The following CHRNA4 variants were observed in gnomAD, a reference collection of about 807,000 sequenced individuals.
CHRNA4 encodes neuronal acetylcholine receptor subunit alpha-4.
CHRNA4 carries 28 observed loss-of-function variants against 48.9 expected under a neutral mutation model. That is an observed-to-expected ratio of 0.57 (90% CI 0.42 to 0.79). The LOEUF (loss-of-function observed/expected upper bound fraction) is 0.79. CHRNA4 is among the 30% of genes least tolerant of loss of function. The pLI is 0.00. For missense variants in CHRNA4, 859 were observed against 898.4 expected (o/e 0.96, Z 0.56); for synonymous variants, 425 against 402.3 (o/e 1.06, Z -0.68).
At position 63,344,773 on chromosome 20, in the gene CHRNA4, G is replaced by C. The variant is rs201053193; in HGVS notation, c.*1965C>G. On this transcript the variant is annotated 3_prime_UTR_variant, in exon 6 of 6. Coordinates refer to ENST00000370263, the MANE Select transcript of CHRNA4 (RefSeq NM_000744.7). The surrounding 1 kb of genome is among the most constrained non-coding windows in gnomAD (Gnocchi z 4.5). Reference sequence around the variant, plus strand: ...GTCTCCTGCCAGCTTCCATGGCCCCGGGATGACCTCACTCTCCCAGGGTCT... The same window carrying C: ...GTCTCCTGCCAGCTTCCATGGCCCCCGGATGACCTCACTCTCCCAGGGTCT... 6.6e-6 allele frequency: 3 copies of C among 453,960 alleles called. No individual in the cohort carries two copies. The highest frequency in any genetic ancestry group is 3.1e-5 in the South Asian group (2 of 64,478). The allele number at this position is 453,960 out of a possible 1,614,324, so 28.1% of individuals were successfully genotyped here. A position where few individuals can be genotyped will look rare whatever the true frequency, so the allele number is the denominator to read the frequency against.
intron 4 of CHRNA4, 169 bp from the exon 5 acceptor site, chr20:63,351,196 ACATCCACACCCACG>A (rs2068602348): frequency 2.2e-6 from 1 of 455,532 alleles, no homozygotes; most frequent in African/African-American, 3.8e-5. Context: ...TCCCACGCCC[ACATCCACACCCACG>A]TCCACGTCCA....
In CHRNA4 at chr20:63,350,733, A is replaced by G. The variant is rs1044394; in HGVS notation, c.678T>C (p.Cys226=). ...GTYNTRKYEC[C]AEIYPDITYA... ...AGGTGATGTCCGGGTAGATCTCGGCACAGCACTCGTACTTCCTGGTGTTGT... is the reference window on the plus strand; with the variant it reads ...AGGTGATGTCCGGGTAGATCTCGGCGCAGCACTCGTACTTCCTGGTGTTGT... The change falls in exon 5 of 6, where the codon TGT becomes TGC. Residue 226 remains cysteine, a synonymous_variant. Transcript: ENST00000370263. 1,462,428 of 1,604,470 alleles carry G rather than the reference A, an allele frequency of 0.91. 666,892 individuals carry two copies. Among genetic ancestry groups the G allele is most frequent in the East Asian group, 0.94 (41,836 of 44,520 alleles).
intron 4 of CHRNA4, chr20:63,355,742 G>A: frequency 1.3e-6 from 1 of 785,408 alleles, no homozygotes; most frequent in Non-Finnish European, 2.0e-6. Context: ...ACCCAGGGAT[G>A]CCCTCAGCCT....
chr20:63,359,915 G>GCGCTGTGTA (rs1388394242), intron 1 of CHRNA4: 166 of 436,424 alleles, frequency 3.8e-4, no homozygotes, highest in East Asian at 1.0e-3. Flanking sequence ...GTGTGTGTGT[G>GCGCTGTGTA]TGTGTGTGTG....
intron 5 of CHRNA4, among the ~76,000 whole-genome samples, chr20:63,347,521 C>T (rs45623331): frequency 0.066 from 10,093 of 152,250 alleles, 557 homozygotes; most frequent in African/African-American, 0.15. Context: ...TGATGCAGGG[C>T]GGACCTCCCC....
In CHRNA4 at chr20:63,361,201, C is replaced by G. The variant is rs2145412621; in HGVS notation, c.-36G>C. ...CCTCGCGGGCTCTAGATGCGGGCGG[C>G]TCCCGGCTCCCCGCCGCTTCGAGGC... On this transcript the variant is annotated 5_prime_UTR_variant, in exon 1 of 6. Transcript: ENST00000370263. 6.9e-7 allele frequency: 1 copy of G among 1,450,726 alleles called. No homozygotes were observed. The highest frequency in any genetic ancestry group is 9.1e-7 in the Non-Finnish European group (1 of 1,104,472). The allele number at this position is 1,450,726 out of a possible 1,614,324, so 89.9% of individuals were successfully genotyped here.
At position 63,356,062 on chromosome 20, in the gene CHRNA4, C is replaced by T. The variant is rs143103435; in HGVS notation, c.296G>A (p.Arg99His). ...VKQEWHDYKL[R>H]WDPADYENVT... ...ATTCTCATAGTCAGCTGGGTCCCAG[C>T]GCAGCTTGTAGTCGTGCCACTCCTG... is the stretch of plus-strand genomic sequence containing the variant. Residue 99 changes from arginine (R) to histidine (H), a missense_variant, in exon 4 of 6, where the codon CGC becomes CAC. Physicochemically the swap from Arg to His is conservative, Grantham distance 29. Transcript: ENST00000370263. The T allele has an allele frequency of 1.8e-4, 288 of 1,593,264 alleles. No homozygotes were observed. The highest frequency in any genetic ancestry group is 5.0e-4 in the Middle Eastern group (3 of 6,044).
In CHRNA4 at chr20:63,344,765, A is replaced by G. The variant is rs1185648493; in HGVS notation, c.*1973T>C. 2.2e-6 allele frequency: 1 copy of G among 454,046 alleles called. No individual in the cohort carries two copies. The highest frequency in any genetic ancestry group is 4.4e-6 in the Non-Finnish European group (1 of 226,776). 28.1% of individuals were successfully genotyped at this position (454,046 alleles called of 1,614,324 possible). ...AGACCAGTGTCTCCTGCCAGCTTCCATGGCCCCGGGATGACCTCACTCTCC... is the reference window on the plus strand; with the variant it reads ...AGACCAGTGTCTCCTGCCAGCTTCCGTGGCCCCGGGATGACCTCACTCTCC... On this transcript the variant is annotated 3_prime_UTR_variant, in exon 6 of 6. Transcript: ENST00000370263. The surrounding 1 kb of genome is among the most constrained non-coding windows in gnomAD (Gnocchi z 4.5).
At chr20:63,349,331 G>A (rs1473915882) in intron 5 of CHRNA4, among the ~76,000 whole-genome samples, 2 of 152,296 alleles carry the variant, frequency 1.3e-5, no homozygotes, top group South Asian at 2.1e-4. Flanking sequence ...TTCCCAGAGC[G>A]CCCCCGTTCT....
At position 63,355,435 on chromosome 20, in the gene CHRNA4, C is replaced by T. The variant is rs4809542; in HGVS notation, c.383+540G>A. Reference sequence around the variant, plus strand: ...CTGGCGTGACATGTCCTGGGCAGAGCGTGAGTATGCAGAGAAAGCAGAGGC... The same window carrying T: ...CTGGCGTGACATGTCCTGGGCAGAGTGTGAGTATGCAGAGAAAGCAGAGGC... On this transcript the variant is annotated intron_variant, in intron 4 of 5. Transcript: ENST00000370263. 2.4e-5 allele frequency: 25 copies of T among 1,045,530 alleles called. No individual in the cohort carries two copies. The African/African-American group carries it at 2.8e-4, about 12-fold the overall frequency. 64.8% of individuals were successfully genotyped at this position (1,045,530 alleles called of 1,614,324 possible).
intron 4 of CHRNA4, chr20:63,355,242 G>C: frequency 2.9e-6 from 1 of 345,326 alleles, no homozygotes. Flanking sequence ...GGACAAGTTA[G>C]AGGACAGCAG....
rs1017457302 is a variant in CHRNA4, at chr20:63,344,685, T to C, written c.*2053A>G. On this transcript the variant is annotated 3_prime_UTR_variant, in exon 6 of 6. Transcript: ENST00000370263. This position sits in a 1 kb window ranked among gnomAD's most constrained non-coding sequence, Gnocchi z 4.5. Reference sequence around the variant, plus strand: ...CACATCTGGCAGCTGGGTCCACTTATGCAATGTGGATCGGGCTTCTTACAT... The same window carrying C: ...CACATCTGGCAGCTGGGTCCACTTACGCAATGTGGATCGGGCTTCTTACAT... 3 of 454,030 alleles carry C rather than the reference T, an allele frequency of 6.6e-6. No individual in the cohort carries two copies. Among genetic ancestry groups the C allele is most frequent in the Non-Finnish European group, 1.3e-5 (3 of 226,756 alleles). The allele number at this position is 454,030 out of a possible 1,614,324, so 28.1% of individuals were successfully genotyped here.
chr20:63,345,455 T>G lies in CHRNA4; in HGVS notation c.*1283A>C, dbSNP rs746586749. 2.6e-6 allele frequency: 1 copy of G among 384,558 alleles called. No individual in the cohort carries two copies. Among genetic ancestry groups the G allele is most frequent in the Non-Finnish European group, 5.3e-6 (1 of 187,936 alleles). The allele number at this position is 384,558 out of a possible 1,614,324, so 23.8% of individuals were successfully genotyped here. A position where few individuals can be genotyped will look rare whatever the true frequency, so the allele number is the denominator to read the frequency against. Reference sequence around the variant, plus strand: ...AGGGGAAGTGTGCCCCTGGGGACACTGGGGGGCTGCCGGGTGCGCCATCTT... The same window carrying G: ...AGGGGAAGTGTGCCCCTGGGGACACGGGGGGGCTGCCGGGTGCGCCATCTT... On this transcript the variant is annotated 3_prime_UTR_variant, in exon 6 of 6. Coordinates refer to ENST00000370263, the MANE Select transcript of CHRNA4 (RefSeq NM_000744.7). This position sits in a 1 kb window ranked among gnomAD's most constrained non-coding sequence, Gnocchi z 5.4.
At position 63,355,996 on chromosome 20, in the gene CHRNA4, G is replaced by C. The variant is rs377114983; in HGVS notation, c.362C>G (p.Pro121Arg). 2 of 1,611,918 alleles carry C rather than the reference G, an allele frequency of 1.2e-6. No individual in the cohort carries two copies. Among genetic ancestry groups the C allele is most frequent in the African/African-American group, 1.3e-5 (1 of 74,694 alleles). Residue 121 changes from proline (P) to arginine (R), a missense_variant, in exon 4 of 6, where the codon CCG (proline) becomes CGG (arginine). Around this residue, in one of 3 missense-constraint regions of CHRNA4, gnomAD observed 342 missense variants for 365.3 expected, o/e 0.94. Transcript: ENST00000370263. ...IRIPSELIWRPDIVLYNNADG... is the reference protein window; with the variant it reads ...IRIPSELIWRRDIVLYNNADG... ...TCACTTGTTGTAGAGGACGATGTCC[G>C]GCCGCCAGATGAGCTCGGAGGGGAT...
chr20:63,349,026 G>A (rs879812133), intron 5 of CHRNA4, among the ~76,000 whole-genome samples: 6 of 152,092 alleles, frequency 3.9e-5, no homozygotes, highest in South Asian at 2.1e-4. Flanking sequence ...GGCTGGCCCC[G>A]GGCCCCGGGG....
chr20:63,359,928 T>TGTGC (rs1359347548), intron 1 of CHRNA4: 1 of 428,074 alleles, frequency 2.3e-6, no homozygotes, highest in African/African-American at 3.0e-5. Context: ...TGTGTGTGTG[T>TGTGC]GCCGGGCGTG....
At position 63,346,408 on chromosome 20, in the gene CHRNA4, G is replaced by A. The variant is rs200895371; in HGVS notation, c.*330C>T. Reference sequence around the variant, plus strand: ...CACCAGATCTGCTGAGAGACTGGGAGGAGTGAGTTCCATCTGCAGGGGAGC... The same window carrying A: ...CACCAGATCTGCTGAGAGACTGGGAAGAGTGAGTTCCATCTGCAGGGGAGC... On this transcript the variant is annotated 3_prime_UTR_variant, in exon 6 of 6. Coordinates refer to ENST00000370263, the MANE Select transcript of CHRNA4 (RefSeq NM_000744.7). The A allele has an allele frequency of 1.1e-5, 6 of 523,584 alleles. No homozygotes were observed. The highest frequency in any genetic ancestry group is 1.9e-5 in the African/African-American group (1 of 52,714). 32.4% of individuals were successfully genotyped at this position (523,584 alleles called of 1,614,324 possible).
chr20:63,350,226 C>T lies in CHRNA4; in HGVS notation c.1185G>A (p.Thr395=), dbSNP rs1448350798. 9 of 1,608,010 alleles carry T rather than the reference C, an allele frequency of 5.6e-6. No homozygotes were observed. The highest frequency in any genetic ancestry group is 2.7e-5 in the African/African-American group (2 of 74,972). The change falls in exon 5 of 6, where the codon ACG becomes ACA. Residue 395 remains threonine (T), a synonymous_variant. Transcript: ENST00000370263. ...WPEPEGEPPA[T]SGTQSLHPPS... is the part of the protein sequence containing the mutation. Reference sequence around the variant, plus strand: ...GCGGGTGCAGGCTCTGGGTGCCGCTCGTGGCAGGGGGCTCCCCTTCTGGCT... The same window carrying T: ...GCGGGTGCAGGCTCTGGGTGCCGCTTGTGGCAGGGGGCTCCCCTTCTGGCT...
chr20:63,360,829 T>C (rs1568821016), intron 1 of CHRNA4, among the ~76,000 whole-genome samples: 1 of 152,132 alleles, frequency 6.6e-6, no homozygotes, highest in Non-Finnish European at 1.5e-5. Context: ...AGCCCTGAAA[T>C]AGCAGCGGAA....
Sources: allele counts gnomAD v4.1 joint callset (sites outside exome capture counted in the v4.1 genomes callset), GRCh38; gene constraint gnomAD v4.1.1; regional missense constraint gnomAD v4.1.1; non-coding constraint Gnocchi (gnomAD v3.1); transcripts MANE v1.5; gene names NCBI Gene and HGNC (gene_info 2026-07-23, HGNC 2026-07-21).